The following TIMELESS variants were observed in gnomAD, a reference collection of about 807,000 sequenced individuals.
The protein encoded by TIMELESS is timeless circadian regulator, also known as protein timeless homolog.
A neutral mutation model predicts 164.3 loss-of-function variants in TIMELESS; 124 were observed. The observed-to-expected ratio is 0.75, with a 90% CI of 0.65 to 0.88. The LOEUF is 0.88. Among genes scored for constraint, TIMELESS ranks in the 40% least tolerant of loss-of-function variants. The pLI is 0.00. For synonymous variants in TIMELESS, 564 were observed against 563.4 expected (o/e 1.00, Z -0.02); for missense variants, 1,422 against 1,491.4 (o/e 0.95, Z 0.77).
chr12:56,443,821 C>T (rs1868311887), intron 1 of TIMELESS, among the ~76,000 whole-genome samples: 1 of 152,012 alleles, frequency 6.6e-6, no homozygotes, highest in Non-Finnish European at 1.5e-5. Flanking sequence ...ATATTGGGGG[C>T]TGGTTCCCCC....
Position 56,430,285 on chromosome 12 carries a change from G to T in TIMELESS, c.910-4C>A, listed in dbSNP as rs1367639873. On this transcript the variant is annotated splice_region_variant and splice_polypyrimidine_tract_variant and intron_variant, in intron 9 of 28. Transcript: ENST00000553532. ...AATCTGAACTGTAGTTTCGTAGCTG[G>T]GTGTGTCGGTTGGGGGATTAGAATT... is the stretch of plus-strand genomic sequence containing the variant. 1 of 1,610,866 alleles carries T rather than the reference G, an allele frequency of 6.2e-7. No individual in the cohort carries two copies. The highest frequency in any genetic ancestry group is 1.3e-5 in the African/African-American group (1 of 74,774).
At chr12:56,427,644 T>G (rs1881721251) in intron 13 of TIMELESS, among the ~76,000 whole-genome samples, 1 of 152,230 alleles carries the variant, frequency 6.6e-6, no homozygotes, top group South Asian at 2.1e-4. Flanking sequence ...AGTGACATGA[T>G]CTTGGCTCAC....
At position 56,423,452 on chromosome 12, in the gene TIMELESS, C is replaced by T. The variant is rs758031131; in HGVS notation, c.2114G>A (p.Arg705Gln). 5.0e-6 allele frequency: 8 copies of T among 1,614,026 alleles called. No individual in the cohort carries two copies. Among genetic ancestry groups the T allele is most frequent in the Admixed American group, 3.3e-5 (2 of 59,992 alleles). ...LKRFACSTVV[R>Q]AYVLLLRSYQ... is the part of the protein sequence containing the mutation. ...GCTCCTTAGTAGCAGCACATAGGCTCGAACGACAGTTGAACATGCAAAGCT... is the reference window on the plus strand; with the variant it reads ...GCTCCTTAGTAGCAGCACATAGGCTTGAACGACAGTTGAACATGCAAAGCT... Residue 705 changes from arginine to glutamine, a missense_variant, in exon 18 of 29, where the codon CGA (arginine) becomes CAA (glutamine). Transcript: ENST00000553532.
chr12:56,445,432 A>C, intron 1 of TIMELESS, among the ~76,000 whole-genome samples: 1 of 119,432 alleles, frequency 8.4e-6, no homozygotes, highest in African/African-American at 4.1e-5. Context: ...CAAAAAAAAA[A>C]AAAAAAAAAA....
chr12:56,441,398 G>A (rs1025989738), intron 1 of TIMELESS, among the ~76,000 whole-genome samples: 2 of 148,590 alleles, frequency 1.3e-5, no homozygotes, highest in African/African-American at 2.6e-5. Context: ...GAGGTGGGAG[G>A]ATCACTTGAG....
rs777542972 is a variant in TIMELESS, at chr12:56,421,832, A to G, written c.2643-23T>C. On this transcript the variant is annotated intron_variant, in intron 21 of 28. Coordinates refer to ENST00000553532, the MANE Select transcript of TIMELESS (RefSeq NM_003920.5). ...TTCCTGATTAGGAAGGTGTCAGTGG[A>G]AGAGGAAGCCCAGGAAGTGATCACG... The G allele has an allele frequency of 2.5e-6, 4 of 1,613,876 alleles. No individual in the cohort carries two copies. In the South Asian group the frequency reaches 4.4e-5, roughly 18 times the overall value.
chr12:56,423,879 T>G lies in TIMELESS; in HGVS notation c.1884A>C (p.Glu628Asp). The G allele has an allele frequency of 6.2e-7, 1 of 1,614,156 alleles. No individual in the cohort carries two copies. ...TGTCTTGAGAGCCAAACACATCTCCTTCAGGCCACACCTCCCTGGAGCACA... is the reference window on the plus strand; with the variant it reads ...TGTCTTGAGAGCCAAACACATCTCCGTCAGGCCACACCTCCCTGGAGCACA... ...LLRSAREVWP[E>D]GDVFGSQDIS... Residue 628 changes from glutamate (E) to aspartate (D), a missense_variant, in exon 16 of 29, where the codon GAA (glutamate) becomes GAC (aspartate). Coordinates refer to ENST00000553532, the MANE Select transcript of TIMELESS (RefSeq NM_003920.5).
At chr12:56,419,211 T>A (rs1416950467) in intron 26 of TIMELESS, among the ~76,000 whole-genome samples, 1 of 151,538 alleles carries the variant, frequency 6.6e-6, no homozygotes, top group Non-Finnish European at 1.5e-5. Context: ...AGGCTGGTCT[T>A]GAACTCCTGA....
At chr12:56,429,421 C>A (rs1204345047) in intron 10 of TIMELESS, among the ~76,000 whole-genome samples, 1 of 151,096 alleles carries the variant, frequency 6.6e-6, no homozygotes, top group Non-Finnish European at 1.5e-5. Flanking sequence ...TGGTCTCAAA[C>A]TCCTGACCTC....
At chr12:56,418,792 G>T (rs757827089) in intron 26 of TIMELESS, among the ~76,000 whole-genome samples, 1 of 151,610 alleles carries the variant, frequency 6.6e-6, no homozygotes, top group Non-Finnish European at 1.5e-5. Flanking sequence ...TGTTGCCCAG[G>T]CCAGTCTCAA....
intron 1 of TIMELESS, among the ~76,000 whole-genome samples, chr12:56,442,083 C>CAAAA (rs34126247): frequency 0.039 from 3,692 of 94,058 alleles, 198 homozygotes; most frequent in Middle Eastern, 0.078. Context: ...GACTCCGTCT[C>CAAAA]AAAAAAAAAA....
At chr12:56,432,689 A>C (rs924225077) in intron 6 of TIMELESS, among the ~76,000 whole-genome samples, 165 bp from the exon 7 acceptor site, 1 of 152,136 alleles carries the variant, frequency 6.6e-6, no homozygotes, top group East Asian at 1.9e-4. Context: ...TCACGCCTGT[A>C]ATCCCAGCAC....
chr12:56,429,163 C>G (rs1181878199), intron 10 of TIMELESS, 63 bp from the exon 11 acceptor site: 2 of 1,455,014 alleles, frequency 1.4e-6, no homozygotes, highest in African/African-American at 2.8e-5. Flanking sequence ...TTCTTCCTTC[C>G]TGTCCTATGA....
chr12:56,432,226 G>A lies in TIMELESS; in HGVS notation c.687+143C>T, dbSNP rs144237477. 3.6e-4 allele frequency: 307 copies of A among 861,892 alleles called. 5 individuals are homozygous for A. The East Asian group carries it at 6.7e-3, about 19-fold the overall frequency. The allele number at this position is 861,892 out of a possible 1,614,324, so 53.4% of individuals were successfully genotyped here. A position where few individuals can be genotyped will look rare whatever the true frequency, so the allele number is the denominator to read the frequency against. ...AGGAAAGAAAACCATGAATAAGGGG[G>A]TACTACTGAACTCAAGACATGGCTA... is the stretch of plus-strand genomic sequence containing the variant. On this transcript the variant is annotated intron_variant, in intron 7 of 28. Transcript: ENST00000553532.
At position 56,439,167 on chromosome 12, in the gene TIMELESS, C is replaced by CAAAAAAAA. The variant is rs57127557; in HGVS notation, c.-61-4944_-61-4937dup. On this transcript the variant is annotated intron_variant, in intron 1 of 28. Transcript: ENST00000553532. ...GGCACCAAGAGTGAAAACTCCTTCT[C>CAAAAAAAA]AAAAAAAAAAAAAAAAAAAAAAAAA... Among the ~76,000 whole-genome samples the CAAAAAAAA allele has an allele frequency of 2.3e-5, 2 of 85,640 alleles. 1 individual carries two copies. The highest frequency in any genetic ancestry group is 8.9e-5 in the African/African-American group (2 of 22,382). 56.2% of individuals were successfully genotyped at this position (85,640 alleles called of 152,430 possible). A position where few individuals can be genotyped will look rare whatever the true frequency, so the allele number is the denominator to read the frequency against.
Position 56,423,428 on chromosome 12 carries a change from C to T in TIMELESS, c.2138G>A (p.Ser713Asn). Residue 713 changes from serine to asparagine, a missense_variant, in exon 18 of 29, where the codon AGC becomes AAC. Transcript: ENST00000553532. ...VVRAYVLLLR[S>N]YQQNSAHTNH... Reference sequence around the variant, plus strand: ...AGTGTGGGCACTATTCTGCTGGTAGCTCCTTAGTAGCAGCACATAGGCTCG... The same window carrying T: ...AGTGTGGGCACTATTCTGCTGGTAGTTCCTTAGTAGCAGCACATAGGCTCG... The T allele has an allele frequency of 6.2e-7, 1 of 1,614,136 alleles. No individual in the cohort carries two copies. Among genetic ancestry groups the T allele is most frequent in the Non-Finnish European group, 8.5e-7 (1 of 1,180,024 alleles).
intron 1 of TIMELESS, among the ~76,000 whole-genome samples, chr12:56,441,841 TG>T (rs1868278279): frequency 6.6e-6 from 1 of 152,072 alleles, no homozygotes; most frequent in Non-Finnish European, 1.5e-5. Flanking sequence ...CCCAGCACTT[TG>T]GGAAGCCAAG....
At chr12:56,423,100 C>T in intron 18 of TIMELESS, 108 bp from the exon 19 acceptor site, 1 of 1,442,734 alleles carries the variant, frequency 6.9e-7, no homozygotes, top group Non-Finnish European at 9.4e-7. Flanking sequence ...CCTCCTCACT[C>T]ACTCTCTTCT....
intron 1 of TIMELESS, among the ~76,000 whole-genome samples, chr12:56,447,765 GAC>G (rs1184473438): frequency 6.6e-6 from 1 of 152,150 alleles, no homozygotes; most frequent in Admixed American, 6.6e-5. Flanking sequence ...AAACTTCAGG[GAC>G]ACACAGGAAG....
Sources: allele counts gnomAD v4.1 joint callset (sites outside exome capture counted in the v4.1 genomes callset), GRCh38; gene constraint gnomAD v4.1.1; transcripts MANE v1.5; gene names NCBI Gene and HGNC (gene_info 2026-07-23, HGNC 2026-07-21).